Variants in USP32 observed in about 807,000 individuals in gnomAD.
USP32 encodes ubiquitin specific peptidase 32.
A neutral mutation model predicts 204.8 loss-of-function variants in USP32; 59 were observed. That is an observed-to-expected ratio of 0.29 (90% CI 0.23 to 0.36). USP32 has a LOEUF of 0.36. Ranked by LOEUF, USP32 falls within the 10% of genes least tolerant of loss-of-function variation. USP32 has a pLI of 1.00. For synonymous variants in USP32, 517 were observed against 678.4 expected, an observed-to-expected ratio of 0.76 and a Z score of 3.70; for missense variants, 1,160 against 1,946.4, an observed-to-expected ratio of 0.60 and a Z score of 7.60.
intron 5 of USP32, among the ~76,000 whole-genome samples, chr17:60,281,535 CAAA>C (rs1434012835): frequency 2.1e-5 from 2 of 94,342 alleles, no homozygotes; most frequent in African/African-American, 3.8e-5. Context: ...GACTCCGTCT[CAAA>C]AAAAAAAAAA....
At chr17:60,361,869 T>C (rs1170686606) in intron 1 of USP32, among the ~76,000 whole-genome samples, 3 of 152,146 alleles carry the variant, frequency 2.0e-5, no homozygotes, top group Admixed American at 1.3e-4. Flanking sequence ...TACATGTATA[T>C]ATATATATGC....
At chr17:60,312,448 CA>C in intron 2 of USP32, among the ~76,000 whole-genome samples, 2 of 151,900 alleles carry the variant, frequency 1.3e-5, no homozygotes, top group Non-Finnish European at 2.9e-5. Context: ...GTTGTTGAGA[CA>C]GGGTCTCATT....
chr17:60,405,797 G>T (rs1044731668), intron 1 of USP32, among the ~76,000 whole-genome samples: 11 of 151,904 alleles, frequency 7.2e-5, no homozygotes, highest in African/African-American at 2.4e-4. Flanking sequence ...ATAAATAAAA[G>T]GCACCTCAGG....
intron 16 of USP32, among the ~76,000 whole-genome samples, chr17:60,216,100 G>C (rs2085095004): frequency 6.6e-6 from 1 of 151,974 alleles, no homozygotes; most frequent in African/African-American, 2.4e-5. Flanking sequence ...AATCGTATTA[G>C]CCTGTCCACC....
chr17:60,327,829 G>A (rs986401387), intron 2 of USP32, among the ~76,000 whole-genome samples: 8 of 152,222 alleles, frequency 5.3e-5, no homozygotes, highest in Non-Finnish European at 1.0e-4. Context: ...CTGAAGCCAA[G>A]CCAGGTAACT....
intron 26 of USP32, among the ~76,000 whole-genome samples, chr17:60,198,854 C>T (rs1481204866): frequency 6.6e-6 from 1 of 152,224 alleles, no homozygotes; most frequent in Non-Finnish European, 1.5e-5. Flanking sequence ...TGGCTCACGC[C>T]TGTAATCCCA....
chr17:60,391,842 G>T, intron 1 of USP32, 40 bp downstream of exon 1: 1 of 1,569,434 alleles, frequency 6.4e-7, no homozygotes, highest in Non-Finnish European at 8.7e-7. Flanking sequence ...TGCCCGTCGC[G>T]GGCCTCCCAG....
intron 12 of USP32, 59 bp downstream of exon 12, chr17:60,236,079 G>A (rs994071687): frequency 2.2e-6 from 3 of 1,344,724 alleles, no homozygotes; most frequent in Non-Finnish European, 3.2e-6. Flanking sequence ...TTATTGGCTG[G>A]AAGTCTCACG....
At position 60,323,742 on chromosome 17, in the gene USP32, C is replaced by T. The variant is rs536138398; in HGVS notation, c.186+21739G>A. ...CTCCTATAAGGCTTTTTATATCTCA[C>T]CTAAAATTTCTGAAAGTCAAATATA... On this transcript the variant is annotated intron_variant, in intron 2 of 33. Coordinates refer to ENST00000300896, the MANE Select transcript of USP32 (RefSeq NM_032582.4). Among the ~76,000 whole-genome samples the T allele has an allele frequency of 2.4e-4, 37 of 152,232 alleles. No individual in the cohort carries two copies. In the South Asian group the frequency reaches 7.5e-3, roughly 31 times the overall value.
chr17:60,268,407 T>TA (rs35476884), intron 7 of USP32, among the ~76,000 whole-genome samples: 6,201 of 138,392 alleles, frequency 0.045, 471 homozygotes, highest in African/African-American at 0.15. Flanking sequence ...TATCTCTATT[T>TA]AAAAAAAAAA....
At chr17:60,341,316 G>A (rs2088653111) in intron 2 of USP32, among the ~76,000 whole-genome samples, 1 of 152,074 alleles carries the variant, frequency 6.6e-6, no homozygotes, top group South Asian at 2.1e-4. Flanking sequence ...GGTAGCAGTT[G>A]TTTCTTTCCA....
At chr17:60,208,000 G>C in intron 24 of USP32, 59 bp downstream of exon 24, 2 of 1,509,970 alleles carry the variant, frequency 1.3e-6, no homozygotes, top group East Asian at 4.6e-5. Context: ...CATAATAATT[G>C]AGAAAAATGT....
chr17:60,389,000 AC>A (rs2089782129), intron 1 of USP32, among the ~76,000 whole-genome samples: 1 of 152,126 alleles, frequency 6.6e-6, no homozygotes, highest in Admixed American at 6.6e-5. Context: ...TTTAAATACT[AC>A]CTGTGTCTAG....
At chr17:60,376,670 C>T (rs2089549343) in intron 1 of USP32, among the ~76,000 whole-genome samples, 1 of 151,798 alleles carries the variant, frequency 6.6e-6, no homozygotes, top group Non-Finnish European at 1.5e-5. Context: ...ATTACAGGTG[C>T]CTGCCATCAC....
At chr17:60,336,083 A>G (rs1309610188) in intron 2 of USP32, among the ~76,000 whole-genome samples, 1 of 142,896 alleles carries the variant, frequency 7.0e-6, no homozygotes, top group African/African-American at 3.0e-5. Context: ...ATTTTCTGTA[A>G]GAGTGTTTTT....
chr17:60,224,635 TA>T (rs2085337187), intron 13 of USP32, among the ~76,000 whole-genome samples: 1 of 152,180 alleles, frequency 6.6e-6, no homozygotes, highest in Admixed American at 6.5e-5. Flanking sequence ...ATTAAAAAAT[TA>T]GCTGTGTGTG....
chr17:60,198,889 G>C (rs1412305073), intron 26 of USP32, among the ~76,000 whole-genome samples: 1 of 152,230 alleles, frequency 6.6e-6, no homozygotes, highest in East Asian at 1.9e-4. Flanking sequence ...TGAGGCAAGA[G>C]GATCCCTTGA....
chr17:60,193,747 A>C (rs2084444108), intron 27 of USP32, among the ~76,000 whole-genome samples: 2 of 152,148 alleles, frequency 1.3e-5, no homozygotes, highest in African/African-American at 2.4e-5. Flanking sequence ...AAGGTAATGA[A>C]ACCATGATAA....
At chr17:60,257,424 T>G (rs2086340104) in intron 9 of USP32, among the ~76,000 whole-genome samples, 1 of 152,190 alleles carries the variant, frequency 6.6e-6, no homozygotes, top group African/African-American at 2.4e-5. Context: ...TCTAGCCAAT[T>G]CAGCCAGTTT....
Sources: allele counts gnomAD v4.1 joint callset (sites outside exome capture counted in the v4.1 genomes callset), GRCh38; gene constraint gnomAD v4.1.1; transcripts MANE v1.5; gene names NCBI Gene and HGNC (gene_info 2026-07-23, HGNC 2026-07-21).